The following EGFLAM variants were observed in gnomAD, a reference collection of about 807,000 sequenced individuals.
The protein encoded by EGFLAM is pikachurin.
Under a neutral mutation model 113.1 loss-of-function variants are expected in EGFLAM, and 79 were observed. The ratio of observed to expected loss-of-function variants is 0.70; its 90% CI spans 0.58 to 0.84. EGFLAM has a LOEUF of 0.84. Among genes scored for constraint, EGFLAM ranks in the 40% least tolerant of loss-of-function variants. The pLI is 0.00. For missense variants in EGFLAM, 1,265 were observed against 1,291.6 expected (o/e 0.98, Z 0.32); for synonymous variants, 504 against 487.6 (o/e 1.03, Z -0.44).
chr5:38,382,535 G>A (rs1250510171), intron 6 of EGFLAM, among the ~76,000 whole-genome samples: 2 of 152,134 alleles, frequency 1.3e-5, no homozygotes, highest in Non-Finnish European at 2.9e-5. Flanking sequence ...TTCTCCATTA[G>A]TTTCTAGTTG....
intron 6 of EGFLAM, among the ~76,000 whole-genome samples, chr5:38,382,626 A>G (rs1579847077): frequency 1.3e-5 from 2 of 152,350 alleles, no homozygotes; most frequent in Middle Eastern, 6.8e-3. Context: ...CACAAATTTA[A>G]CCAATAGCCT....
Position 38,354,211 on chromosome 5 carries a change from C to T in EGFLAM, c.545+1880C>T, listed in dbSNP as rs188751185. Among the ~76,000 whole-genome samples, 5 of 152,108 alleles carry T rather than the reference C, an allele frequency of 3.3e-5. No individual in the cohort carries two copies. In the East Asian group the frequency reaches 9.7e-4, roughly 29 times the overall value. On this transcript the variant is annotated intron_variant, in intron 5 of 21. Coordinates refer to ENST00000322350, the MANE Select transcript of EGFLAM (RefSeq NM_152403.4). ...CTTTGCATTGAAGATAATCTACGCC[C>T]CTGCCATTGAACAGATTTTGTAGGC...
intron 1 of EGFLAM, among the ~76,000 whole-genome samples, chr5:38,307,620 C>T (rs1324602206): frequency 6.6e-6 from 1 of 152,224 alleles, no homozygotes; most frequent in African/African-American, 2.4e-5. Context: ...ATGGACTAAT[C>T]CATACCTGGT....
intron 5 of EGFLAM, among the ~76,000 whole-genome samples, chr5:38,354,895 G>A (rs1739726792): frequency 1.3e-5 from 2 of 152,180 alleles, no homozygotes; most frequent in Non-Finnish European, 2.9e-5. Context: ...TCTTAACCTT[G>A]TGTGCACACC....
intron 6 of EGFLAM, among the ~76,000 whole-genome samples, chr5:38,375,007 G>A (rs1054122158): frequency 1.3e-5 from 2 of 148,704 alleles, no homozygotes; most frequent in African/African-American, 2.5e-5. Flanking sequence ...TTTCAGAGGC[G>A]TGATTTGAAA....
intron 1 of EGFLAM, among the ~76,000 whole-genome samples, chr5:38,308,752 C>G (rs1028650441): frequency 6.6e-6 from 1 of 151,994 alleles, no homozygotes; most frequent in Non-Finnish European, 1.5e-5. Context: ...TCTATCAGGC[C>G]CATCTCACCA....
intron 1 of EGFLAM, among the ~76,000 whole-genome samples, chr5:38,273,723 G>A (rs1438601649): frequency 6.6e-6 from 1 of 152,228 alleles, no homozygotes; most frequent in Non-Finnish European, 1.5e-5. Context: ...GCTTACTATT[G>A]AAGGACATTC....
chr5:38,385,353 A>G (rs998828156), intron 6 of EGFLAM, among the ~76,000 whole-genome samples: 1 of 146,458 alleles, frequency 6.8e-6, no homozygotes, highest in African/African-American at 2.5e-5. Context: ...TATAAAATAG[A>G]GTAGTATTTT....
At chr5:38,432,369 G>A (rs879719001) in intron 15 of EGFLAM, among the ~76,000 whole-genome samples, 10 of 152,002 alleles carry the variant, frequency 6.6e-5, no homozygotes, top group Non-Finnish European at 1.5e-4. Context: ...GTGGGAGGAC[G>A]AATTGGAACC....
intron 1 of EGFLAM, chr5:38,285,962 G>A (rs1758151379): frequency 1.3e-5 from 2 of 152,128 alleles, no homozygotes; most frequent in South Asian, 4.1e-4. Context: ...ATATCACTTA[G>A]GTAGACTTTC....
At chr5:38,437,015 T>G (rs2112223514) in intron 16 of EGFLAM, among the ~76,000 whole-genome samples, 1 of 152,338 alleles carries the variant, frequency 6.6e-6, no homozygotes, top group East Asian at 1.9e-4. Context: ...GGAGGTGTTC[T>G]TACTGTCTCG....
At chr5:38,414,093 C>G (rs537001649) in intron 11 of EGFLAM, among the ~76,000 whole-genome samples, 14 of 152,292 alleles carry the variant, frequency 9.2e-5, no homozygotes, top group African/African-American at 3.4e-4. Context: ...TTGGGGACCC[C>G]TGATATAAAG....
At chr5:38,280,579 C>T (rs780730533) in intron 1 of EGFLAM, among the ~76,000 whole-genome samples, 1 of 152,166 alleles carries the variant, frequency 6.6e-6, no homozygotes, top group Non-Finnish European at 1.5e-5. Context: ...GCCCCTGGCC[C>T]ACCATGGCTT....
intron 1 of EGFLAM, among the ~76,000 whole-genome samples, chr5:38,288,329 G>T (rs1280016748): frequency 6.6e-6 from 1 of 152,116 alleles, no homozygotes; most frequent in African/African-American, 2.4e-5. Context: ...AACTTTTGGG[G>T]TTATGAAAGA....
At chr5:38,457,855 A>G (rs970494748) in intron 19 of EGFLAM, among the ~76,000 whole-genome samples, 2 of 152,128 alleles carry the variant, frequency 1.3e-5, no homozygotes, top group Non-Finnish European at 2.9e-5. Context: ...GTCACAAAAA[A>G]GACAAATACT....
chr5:38,294,236 A>C (rs1383370133), intron 1 of EGFLAM, among the ~76,000 whole-genome samples: 1 of 152,176 alleles, frequency 6.6e-6, no homozygotes, highest in Non-Finnish European at 1.5e-5. Context: ...TCAGTTTCTC[A>C]TGGCAATGAC....
chr5:38,328,748 A>G (rs1160927637), intron 1 of EGFLAM, among the ~76,000 whole-genome samples: 1 of 84,754 alleles, frequency 1.2e-5, no homozygotes, highest in Non-Finnish European at 2.4e-5. Flanking sequence ...TTTTTTTGCA[A>G]ATTGTCTCTT....
At position 38,370,537 on chromosome 5, in the gene EGFLAM, T is replaced by C. The variant is rs77981737; in HGVS notation, c.712+75T>C. The C allele has an allele frequency of 2.2e-3, 3,394 of 1,511,656 alleles. 68 individuals are homozygous for C. In the African/African-American group the frequency reaches 0.042, roughly 19 times the overall value. The allele number at this position is 1,511,656 out of a possible 1,614,324, so 93.6% of individuals were successfully genotyped here. On this transcript the variant is annotated intron_variant, in intron 6 of 21. Coordinates refer to ENST00000322350, the MANE Select transcript of EGFLAM (RefSeq NM_152403.4). ...TTGCCTCATGAAGACTCACTTGACC[T>C]GGATGCCGTGCAGAAGGACAGCCTG... is the stretch of plus-strand genomic sequence containing the variant.
intron 1 of EGFLAM, among the ~76,000 whole-genome samples, chr5:38,282,923 C>A (rs934666331): frequency 1.3e-5 from 2 of 152,120 alleles, no homozygotes; most frequent in Non-Finnish European, 2.9e-5. Context: ...GGGCTCACTG[C>A]AGCCTTGGCC....
Sources: allele counts gnomAD v4.1 joint callset (sites outside exome capture counted in the v4.1 genomes callset), GRCh38; gene constraint gnomAD v4.1.1; transcripts MANE v1.5; gene names NCBI Gene and HGNC (gene_info 2026-07-23, HGNC 2026-07-21).